The following CPLANE1 variants were observed in gnomAD, a reference collection of about 807,000 sequenced individuals.
CPLANE1 encodes the protein ciliogenesis and planar polarity effector complex subunit 1.
A neutral mutation model predicts 362.5 loss-of-function variants in CPLANE1; 263 were observed. That is an observed-to-expected ratio of 0.73 (90% CI 0.66 to 0.80). CPLANE1 has a LOEUF of 0.80. Ranked by LOEUF, CPLANE1 falls within the 30% of genes least tolerant of loss-of-function variation. The probability of loss-of-function intolerance (pLI) is 0.00; values close to 1 mark genes in which losing one functional copy is unlikely to be tolerated. For synonymous variants in CPLANE1, 1,212 were observed against 1,302.6 expected (o/e 0.93, Z 1.50); for missense variants, 3,461 against 3,793.4 (o/e 0.91, Z 2.30).
At chr5:37,177,904 G>A (rs1781626895) in intron 29 of CPLANE1, among the ~76,000 whole-genome samples, 1 of 152,090 alleles carries the variant, frequency 6.6e-6, no homozygotes, top group Non-Finnish European at 1.5e-5. Flanking sequence ...CTGTCACACT[G>A]GGCTATTGAG....
chr5:37,142,903 A>G (rs1770224541), intron 43 of CPLANE1, among the ~76,000 whole-genome samples: 1 of 152,222 alleles, frequency 6.6e-6, no homozygotes, highest in Non-Finnish European at 1.5e-5. Context: ...GCAATGAGGG[A>G]AAAACTGAGC....
intron 43 of CPLANE1, among the ~76,000 whole-genome samples, chr5:37,142,897 T>G (rs536828766): frequency 6.6e-6 from 1 of 152,108 alleles, no homozygotes; most frequent in African/African-American, 2.4e-5. Context: ...TACACTGCAA[T>G]GAGGGAAAAA....
chr5:37,124,854 G>A (rs1191279978), intron 47 of CPLANE1: 3 of 992,184 alleles, frequency 3.0e-6, no homozygotes, highest in African/African-American at 3.5e-5. Flanking sequence ...CTAAGTAAGG[G>A]AGCAGGCATA....
At chr5:37,208,813 C>A (rs954709829) in intron 16 of CPLANE1, among the ~76,000 whole-genome samples, 2 of 151,824 alleles carry the variant, frequency 1.3e-5, no homozygotes, top group Non-Finnish European at 2.9e-5. Flanking sequence ...ACAGTTATAA[C>A]CATTTGATAT....
intron 6 of CPLANE1, among the ~76,000 whole-genome samples, chr5:37,241,167 G>A (rs1312103041): frequency 6.6e-6 from 1 of 151,686 alleles, no homozygotes; most frequent in Non-Finnish European, 1.5e-5. Flanking sequence ...ATAAAATGTA[G>A]AGAAGGCCAG....
intron 15 of CPLANE1, among the ~76,000 whole-genome samples, chr5:37,214,834 C>T (rs1047225624): frequency 6.6e-6 from 1 of 152,164 alleles, no homozygotes; most frequent in Non-Finnish European, 1.5e-5. Flanking sequence ...ATAAGACCTA[C>T]AGGAAGTGCC....
chr5:37,191,877 C>T (rs778650284), intron 21 of CPLANE1, among the ~76,000 whole-genome samples: 7 of 152,062 alleles, frequency 4.6e-5, no homozygotes, highest in Non-Finnish European at 1.0e-4. Context: ...AAAAACATTA[C>T]AATAATCTAT....
intron 47 of CPLANE1, among the ~76,000 whole-genome samples, chr5:37,123,453 CA>C (rs1414985981): frequency 1.3e-5 from 2 of 152,094 alleles, no homozygotes; most frequent in South Asian, 2.1e-4. Flanking sequence ...TCCCTTTACC[CA>C]AATAGAAGTT....
intron 46 of CPLANE1, among the ~76,000 whole-genome samples, chr5:37,136,971 C>A (rs1019108694): frequency 6.6e-6 from 1 of 152,154 alleles, no homozygotes; most frequent in Non-Finnish European, 1.5e-5. Flanking sequence ...CTCTGACATG[C>A]CCTGGAGATA....
the CPLANE1 span, among the ~76,000 whole-genome samples, chr5:37,097,835 T>C: frequency 6.6e-6 from 1 of 152,180 alleles, no homozygotes; most frequent in Non-Finnish European, 1.5e-5. Flanking sequence ...GAATGAGTCC[T>C]CACATCTCAT....
chr5:37,227,133 C>T (rs1796634503), intron 11 of CPLANE1, 60 bp from the exon 12 acceptor site: 1 of 1,501,160 alleles, frequency 6.7e-7, no homozygotes, highest in Non-Finnish European at 8.9e-7. Context: ...TCAATAGCAT[C>T]ACTTTGGCGT....
At position 37,196,965 on chromosome 5, in the gene CPLANE1, A is replaced by T. The variant is rs77500991; in HGVS notation, c.3673-969T>A. 5.9e-3 allele frequency among the ~76,000 whole-genome samples: 899 copies of T among 152,094 alleles called. 11 individuals carry two copies. Among genetic ancestry groups the T allele is most frequent in the African/African-American group, 0.021 (854 of 41,510 alleles). On this transcript the variant is annotated intron_variant, in intron 20 of 52. Coordinates refer to ENST00000651892, the MANE Select transcript of CPLANE1 (RefSeq NM_001384732.1). ...AAAAAAAAAAGAAAATTTGAACTCC[A>T]ATCTATTTAAACCTCTCTACCTCAA... is the stretch of plus-strand genomic sequence containing the variant.
At chr5:37,186,439 T>C in intron 23 of CPLANE1, 45 bp from the exon 24 acceptor site, 1 of 846,052 alleles carries the variant, frequency 1.2e-6, no homozygotes, top group Non-Finnish European at 2.0e-6. Context: ...ACATCATTCT[T>C]TTTTTTTCTT....
chr5:37,164,381 T>A, intron 36 of CPLANE1, 54 bp from the exon 37 acceptor site: 1 of 1,402,142 alleles, frequency 7.1e-7, no homozygotes, highest in South Asian at 1.2e-5. Flanking sequence ...TGTGTATTAT[T>A]TTTGAAAAAA....
At chr5:37,126,083 A>G (rs532928967) in intron 46 of CPLANE1, among the ~76,000 whole-genome samples, 8 of 152,132 alleles carry the variant, frequency 5.3e-5, no homozygotes, top group Non-Finnish European at 1.2e-4. Flanking sequence ...ATTAAAAAAA[A>G]AATTAGCCAG....
At chr5:37,146,054 T>C (rs967375775) in intron 43 of CPLANE1, among the ~76,000 whole-genome samples, 1 of 152,184 alleles carries the variant, frequency 6.6e-6, no homozygotes, top group Non-Finnish European at 1.5e-5. Flanking sequence ...AACTATCTTG[T>C]TTCTTCAACA....
intron 6 of CPLANE1, among the ~76,000 whole-genome samples, 156 bp from the exon 7 acceptor site, chr5:37,240,025 G>A (rs1799985883): frequency 6.6e-6 from 1 of 152,276 alleles, no homozygotes; most frequent in Admixed American, 6.5e-5. Context: ...TTGTGTTGCT[G>A]TAAAGGAATG....
rs138874486 is a variant in CPLANE1 at position 37,183,619 on chromosome 5, G to A, written c.4562C>T (p.Pro1521Leu). The change falls in exon 26 of 53, where the codon CCT becomes CTT. Residue 1521 changes from proline (P) to leucine (L), a missense_variant. Transcript: ENST00000651892. ...KRKMCNQKEN[P>L]TKKEDHEKLS... is the part of the protein sequence containing the mutation. ...CTTTTCATGATCTTCTTTCTTTGTA[G>A]GATTTTCTTTCTGATTACACATTTT... 11 of 1,612,056 alleles carry A rather than the reference G, an allele frequency of 6.8e-6. 1 individual carries two copies. Among genetic ancestry groups the A allele is most frequent in the African/African-American group, 4.0e-5 (3 of 74,868 alleles).
At chr5:37,199,598 T>C (rs750786161) in intron 19 of CPLANE1, among the ~76,000 whole-genome samples, 32 of 152,334 alleles carry the variant, frequency 2.1e-4, no homozygotes, top group Non-Finnish European at 4.0e-4. Flanking sequence ...GTCTGATACA[T>C]AGTAGGACCC....
Sources: gnomAD v4.1 joint callset for allele counts (sites outside exome capture counted in the v4.1 genomes callset) on GRCh38, gnomAD v4.1.1 for gene constraint, MANE v1.5 for transcripts, NCBI Gene and HGNC (gene_info 2026-07-23, HGNC 2026-07-21) for gene names.